Variants in NEURL4 observed in about 807,000 individuals in gnomAD.
NEURL4 encodes the protein neuralized E3 ubiquitin protein ligase 4.
Under a neutral mutation model 148.0 loss-of-function variants are expected in NEURL4, and 45 were observed. The observed-to-expected ratio is 0.30, with a 90% CI of 0.24 to 0.39. NEURL4 has a LOEUF of 0.39. NEURL4 is among the 10% of genes least tolerant of loss of function. The pLI, the probability that NEURL4 is intolerant of heterozygous loss-of-function variation, is 1.00. For synonymous variants in NEURL4, 854 were observed against 869.0 expected (o/e 0.98, Z 0.30); for missense variants, 1,776 against 2,144.0 (o/e 0.83, Z 3.39).
rs1261111869 is a variant in NEURL4, at chr17:7,321,332, C to T, written c.3198+29G>A. The T allele has an allele frequency of 1.9e-6, 3 of 1,613,914 alleles. No homozygotes were observed. The highest frequency in any genetic ancestry group is 2.5e-6 in the Non-Finnish European group (3 of 1,179,924). On this transcript the variant is annotated intron_variant, in intron 19 of 28. Coordinates refer to ENST00000399464, the MANE Select transcript of NEURL4 (RefSeq NM_032442.3). This position sits in a 1 kb window ranked among gnomAD's most constrained non-coding sequence, Gnocchi z 6.3. The stretch of plus-strand genomic sequence containing the variant: ...TCAGCAGAAGACCTCAACCATCCTC[C>T]CAGAACCCAAGGAAGCGTTCAGGTC...
In NEURL4 at chr17:7,326,554, A is replaced by G. The variant is rs756170574; in HGVS notation, c.1093-6T>C. ...ACAAGCTTGTCGATACGGATCTGGC[A>G]TTGAGGGACAGAAGGGAGAAGCAGG... On this transcript the variant is annotated splice_polypyrimidine_tract_variant and splice_region_variant and intron_variant, in intron 4 of 28. Transcript: ENST00000399464. This position sits in a 1 kb window ranked among gnomAD's most constrained non-coding sequence, Gnocchi z 6.0. 2 of 1,613,642 alleles carry G rather than the reference A, an allele frequency of 1.2e-6. No individual in the cohort carries two copies. The highest frequency in any genetic ancestry group is 8.5e-7 in the Non-Finnish European group (1 of 1,179,556).
rs563819116 is a variant in NEURL4 at position 7,316,402 on chromosome 17, A to G, written c.4485-75T>C. ...CCCCCTTGCAAAGTCTGTTCCAACC[A>G]CACAAGCCTTGCTGTACCTAGGAAA... is the stretch of plus-strand genomic sequence containing the variant. On this transcript the variant is annotated intron_variant, in intron 28 of 28. Transcript: ENST00000399464. 5.2e-5 allele frequency: 63 copies of G among 1,216,998 alleles called. No homozygotes were observed. The African/African-American group carries it at 8.4e-4, about 16-fold the overall frequency. The allele number at this position is 1,216,998 out of a possible 1,614,324, so 75.4% of individuals were successfully genotyped here. A position where few individuals can be genotyped will look rare whatever the true frequency, so the allele number is the denominator to read the frequency against.
Position 7,321,393 on chromosome 17 carries a change from C to G in NEURL4, c.3166G>C (p.Asp1056His). ...ATGCCAGTGGCTGCAGGCCCCATAT[C>G]CTCTCCATCCACCAGGATGTGCATC... ...DTMHILVDGEDMGPAATGIAK... is the reference protein window; with the variant it reads ...DTMHILVDGEHMGPAATGIAK... Residue 1056 changes from aspartate (D) to histidine (H), a missense_variant, in exon 19 of 29, where the codon GAT (aspartate) becomes CAT (histidine). Physicochemically the swap from Asp to His is moderately conservative, Grantham distance 81. Coordinates refer to ENST00000399464, the MANE Select transcript of NEURL4 (RefSeq NM_032442.3). This position sits in a 1 kb window ranked among gnomAD's most constrained non-coding sequence, Gnocchi z 6.3. 2 of 1,614,152 alleles carry G rather than the reference C, an allele frequency of 1.2e-6. No homozygotes were observed. Among genetic ancestry groups the G allele is most frequent in the Non-Finnish European group, 1.7e-6 (2 of 1,180,022 alleles).
In NEURL4 at chr17:7,321,927, C is replaced by A; in HGVS notation, c.2809G>T (p.Ala937Ser). The part of the protein sequence containing the change: ...EEDGTRAVRA[A>S]GYAHGLVFST... ...AAGACAAGGCCATGAGCATAGCCAGCGGCACGCACTGCCCTCGTGCCATCC... is the reference window on the plus strand; with the variant it reads ...AAGACAAGGCCATGAGCATAGCCAGAGGCACGCACTGCCCTCGTGCCATCC... The change falls in exon 17 of 29, where the codon GCT becomes TCT. Residue 937 changes from alanine (A) to serine (S), a missense_variant. Transcript: ENST00000399464. This position sits in a 1 kb window ranked among gnomAD's most constrained non-coding sequence, Gnocchi z 6.3. 4 of 1,613,868 alleles carry A rather than the reference C, an allele frequency of 2.5e-6. No individual in the cohort carries two copies. The highest frequency in any genetic ancestry group is 1.1e-5 in the South Asian group (1 of 91,082).
At position 7,321,081 on chromosome 17, in the gene NEURL4, G is replaced by A. The variant is rs764657531; in HGVS notation, c.3360+31C>T. ...AACGGCCCAGCAACTGCCCATCCAT[G>A]TGCACAGCAGACCATGCTGCAGCCT... On this transcript the variant is annotated intron_variant, in intron 20 of 28. Transcript: ENST00000399464. This position sits in a 1 kb window ranked among gnomAD's most constrained non-coding sequence, Gnocchi z 6.3. The A allele has an allele frequency of 9.9e-6, 16 of 1,609,592 alleles. No homozygotes were observed. The highest frequency in any genetic ancestry group is 1.4e-5 in the Non-Finnish European group (16 of 1,177,452).
intron 7 of NEURL4, 41 bp downstream of exon 7, chr17:7,325,600 C>T (rs749035103): frequency 9.4e-6 from 15 of 1,602,962 alleles, no homozygotes; most frequent in East Asian, 4.5e-5. Context: ...CCAGCCCCAC[C>T]GAAAGCCCCG....
rs767405463 is a variant in NEURL4, at chr17:7,318,030, G to T, written c.4060+35C>A. 1 of 1,613,862 alleles carries T rather than the reference G, an allele frequency of 6.2e-7. No homozygotes were observed. Among genetic ancestry groups the T allele is most frequent in the Admixed American group, 1.7e-5 (1 of 60,036 alleles). On this transcript the variant is annotated intron_variant, in intron 25 of 28. Transcript: ENST00000399464. The surrounding 1 kb of genome is among the most constrained non-coding windows in gnomAD (Gnocchi z 4.3). ...TCCAAGGCTCTAGGCCTGGCCCTGG[G>T]AATGAAGTCAGTTCTGGCGGACTGT...
chr17:7,317,743 AG>A (rs1459472432), intron 26 of NEURL4, 44 bp downstream of exon 26: 1 of 1,605,094 alleles, frequency 6.2e-7, no homozygotes, highest in Non-Finnish European at 8.5e-7. Context: ...CCGTTTCTCC[AG>A]GGGGAAAACA....
Position 7,317,361 on chromosome 17 carries a change from G to T in NEURL4, c.4328C>A (p.Ser1443Tyr). 2 of 1,570,046 alleles carry T rather than the reference G, an allele frequency of 1.3e-6. No homozygotes were observed. Among genetic ancestry groups the T allele is most frequent in the Middle Eastern group, 3.4e-4 (2 of 5,830 alleles). The stretch of plus-strand genomic sequence containing the variant: ...CTTCAAAGGACGGCAGCTCAGGATG[G>T]AGGCAGTACCTGGGAGGAGAACTGG... ...DRGELGAGTA[S>Y]ILSCRPLKGE... is the part of the protein sequence containing the mutation. The change falls in exon 28 of 29, where the codon TCC becomes TAC. Residue 1443 changes from serine to tyrosine, a missense_variant. Ser to Tyr is a moderately radical substitution (Grantham distance 144, BLOSUM62 -2). Coordinates refer to ENST00000399464, the MANE Select transcript of NEURL4 (RefSeq NM_032442.3).
In NEURL4 at chr17:7,323,931, G is replaced by T. The variant is rs1040359710; in HGVS notation, c.2144C>A (p.Ser715Tyr). Reference sequence around the variant, plus strand: ...GTGCAGCTGATGGAAGCGCAGGTCAGAGCCCCCGGCCCCTGAGGACGGAGA... The same window carrying T: ...GTGCAGCTGATGGAAGCGCAGGTCATAGCCCCCGGCCCCTGAGGACGGAGA... ...PSSPSSGAGG[S>Y]DLRFHQLHGS... Residue 715 changes from serine (S) to tyrosine (Y), a missense_variant, in exon 12 of 29, where the codon TCT (serine) becomes TAT (tyrosine). By Grantham distance (144) the Ser-to-Tyr change is moderately radical (BLOSUM62 -2). Transcript: ENST00000399464. 6.2e-7 allele frequency: 1 copy of T among 1,613,496 alleles called. No homozygotes were observed. The highest frequency in any genetic ancestry group is 8.5e-7 in the Non-Finnish European group (1 of 1,180,040).
rs2143012279 is a variant in NEURL4, at chr17:7,321,301, C to T, written c.3199-28G>A. ...GGGAGGCACACAAGACCCAGAAAAT[C>T]AGAGATCAGCAGAAGACCTCAACCA... On this transcript the variant is annotated intron_variant, in intron 19 of 28. Coordinates refer to ENST00000399464, the MANE Select transcript of NEURL4 (RefSeq NM_032442.3). The surrounding 1 kb of genome is among the most constrained non-coding windows in gnomAD (Gnocchi z 6.3). 1.9e-6 allele frequency: 3 copies of T among 1,613,046 alleles called. No individual in the cohort carries two copies. The South Asian group carries it at 3.3e-5, about 18-fold the overall frequency.
At position 7,322,906 on chromosome 17, in the gene NEURL4, T is replaced by G; in HGVS notation, c.2594-40A>C. The G allele has an allele frequency of 6.2e-7, 1 of 1,610,400 alleles. No homozygotes were observed. Among genetic ancestry groups the G allele is most frequent in the Non-Finnish European group, 8.5e-7 (1 of 1,176,890 alleles). On this transcript the variant is annotated intron_variant, in intron 15 of 28. Transcript: ENST00000399464. This position sits in a 1 kb window ranked among gnomAD's most constrained non-coding sequence, Gnocchi z 5.5. ...GAAGGTCAGAAGCCTGACAGCCAGG[T>G]GGTCTGGGCTGAGGGTGGCAGGCTG...
At position 7,329,321 on chromosome 17, in the gene NEURL4, A is replaced by C; in HGVS notation, c.-9T>G. 1 of 1,378,710 alleles carries C rather than the reference A, an allele frequency of 7.3e-7. No homozygotes were observed. Among genetic ancestry groups the C allele is most frequent in the Non-Finnish European group, 9.3e-7 (1 of 1,073,594 alleles). 85.4% of individuals were successfully genotyped at this position (1,378,710 alleles called of 1,614,324 possible). A position where few individuals can be genotyped will look rare whatever the true frequency, so the allele number is the denominator to read the frequency against. ...CCCGACCCTGCCGCCATCTCCGCTG[A>C]CACCGGGGCAGCGCGACAGCCGCGC... On this transcript the variant is annotated 5_prime_UTR_variant, in exon 1 of 29. Transcript: ENST00000399464.
At chr17:7,325,613 C>A (rs1327350176) in intron 7 of NEURL4, 28 bp downstream of exon 7, 7 of 1,610,608 alleles carry the variant, frequency 4.3e-6, no homozygotes, top group Non-Finnish European at 5.1e-6. Context: ...AAGCCCCGGC[C>A]CAGAGGCTCT....
In NEURL4 at chr17:7,322,152, G is replaced by A; in HGVS notation, c.2726-142C>T. The A allele has an allele frequency of 2.2e-6, 2 of 917,212 alleles. No individual in the cohort carries two copies. Among genetic ancestry groups the A allele is most frequent in the Non-Finnish European group, 3.3e-6 (2 of 611,820 alleles). 56.8% of individuals were successfully genotyped at this position (917,212 alleles called of 1,614,324 possible). A position where few individuals can be genotyped will look rare whatever the true frequency, so the allele number is the denominator to read the frequency against. ...CTGCCATTACACCTCAGGGCCTCCTGACACCTCTTTATTGTATTTTGTTGA... is the reference window on the plus strand; with the variant it reads ...CTGCCATTACACCTCAGGGCCTCCTAACACCTCTTTATTGTATTTTGTTGA... On this transcript the variant is annotated intron_variant, in intron 16 of 28. Transcript: ENST00000399464. The surrounding 1 kb of genome is among the most constrained non-coding windows in gnomAD (Gnocchi z 5.5).
At position 7,320,604 on chromosome 17, in the gene NEURL4, T is replaced by C. The variant is rs77711484; in HGVS notation, c.3525+155A>G. 7.9e-5 allele frequency among the ~76,000 whole-genome samples: 12 copies of C among 152,336 alleles called. No individual in the cohort carries two copies. In the East Asian group the frequency reaches 2.3e-3, roughly 29 times the overall value. On this transcript the variant is annotated intron_variant, in intron 21 of 28. Transcript: ENST00000399464. ...AGGTAGGGACTTCGTGGTAACTGACTGATGACCCTCATTACAGGCTATGAA... is the reference window on the plus strand; with the variant it reads ...AGGTAGGGACTTCGTGGTAACTGACCGATGACCCTCATTACAGGCTATGAA...
rs2073125661 is a variant in NEURL4 at position 7,327,975 on chromosome 17, GCTTT to G, written c.283-95_283-92del. The G allele has an allele frequency of 1.9e-6, 2 of 1,030,078 alleles. No homozygotes were observed. Among genetic ancestry groups the G allele is most frequent in the African/African-American group, 3.2e-5 (2 of 61,738 alleles). 63.8% of individuals were successfully genotyped at this position (1,030,078 alleles called of 1,614,324 possible). A position where few individuals can be genotyped will look rare whatever the true frequency, so the allele number is the denominator to read the frequency against. On this transcript the variant is annotated intron_variant, in intron 1 of 28. Coordinates refer to ENST00000399464, the MANE Select transcript of NEURL4 (RefSeq NM_032442.3). The surrounding 1 kb of genome is among the most constrained non-coding windows in gnomAD (Gnocchi z 6.6). ...TTCCCACCTCTCAGACAGCTAGCTG[GCTTT>G]CTGTCTCTTGGAACACTAATCCAGA...
rs2073047958 is a variant in NEURL4, at chr17:7,322,604, C to A, written c.2725+131G>T. 3.3e-6 allele frequency: 4 copies of A among 1,214,776 alleles called. No individual in the cohort carries two copies. Among genetic ancestry groups the A allele is most frequent in the Non-Finnish European group, 4.7e-6 (4 of 858,428 alleles). The allele number at this position is 1,214,776 out of a possible 1,614,324, so 75.2% of individuals were successfully genotyped here. A position where few individuals can be genotyped will look rare whatever the true frequency, so the allele number is the denominator to read the frequency against. On this transcript the variant is annotated intron_variant, in intron 16 of 28. Transcript: ENST00000399464. This position sits in a 1 kb window ranked among gnomAD's most constrained non-coding sequence, Gnocchi z 5.5. ...CTCACTGGCTGCTTGCCACCGTGGG[C>A]TGTCCCTTCCCTGGAGCCGGCAGCT...
rs946870744 is a variant in NEURL4, at chr17:7,318,962, C to G, written c.3684+88G>C. 1.4e-6 allele frequency: 2 copies of G among 1,448,954 alleles called. No homozygotes were observed. Among genetic ancestry groups the G allele is most frequent in the African/African-American group, 2.8e-5 (2 of 70,344 alleles). 89.8% of individuals were successfully genotyped at this position (1,448,954 alleles called of 1,614,324 possible). A position where few individuals can be genotyped will look rare whatever the true frequency, so the allele number is the denominator to read the frequency against. ...CCCTTTTACACCTGTGGTCCTACCT[C>G]CAAGGCTAGGGGCCCACTTCTCCCT... is the stretch of plus-strand genomic sequence containing the variant. On this transcript the variant is annotated intron_variant, in intron 22 of 28. Coordinates refer to ENST00000399464, the MANE Select transcript of NEURL4 (RefSeq NM_032442.3). This position sits in a 1 kb window ranked among gnomAD's most constrained non-coding sequence, Gnocchi z 4.3.
Sources: gnomAD v4.1 joint callset for allele counts (sites outside exome capture counted in the v4.1 genomes callset) on GRCh38, gnomAD v4.1.1 for gene constraint, Gnocchi (gnomAD v3.1) non-coding constraint, MANE v1.5 for transcripts, NCBI Gene and HGNC (gene_info 2026-07-23, HGNC 2026-07-21) for gene names.